The following TNS3 variants were observed in gnomAD, a reference collection of about 807,000 sequenced individuals.
TNS3 encodes the protein tensin-3.
A neutral mutation model predicts 140.9 loss-of-function variants in TNS3; 45 were observed. That is an observed-to-expected ratio of 0.32 (90% CI 0.25 to 0.41). The LOEUF (loss-of-function observed/expected upper bound fraction) is 0.41, where lower values mean the gene tolerates loss of function less well. TNS3 is among the 10% of genes least tolerant of loss of function. The pLI, the probability that TNS3 is intolerant of heterozygous loss-of-function variation, is 1.00. For synonymous variants in TNS3, 815 were observed against 788.4 expected, an observed-to-expected ratio of 1.03 and a Z score of -0.56; for missense variants, 1,716 against 1,906.7, an observed-to-expected ratio of 0.90 and a Z score of 1.86.
rs543783948 is a variant in TNS3, at chr7:47,421,265, G to A, written c.473+2836C>T. 5.9e-5 allele frequency among the ~76,000 whole-genome samples: 9 copies of A among 152,150 alleles called. No homozygotes were observed. In the East Asian group the frequency reaches 7.7e-4, roughly 13 times the overall value. On this transcript the variant is annotated intron_variant, in intron 10 of 30. Transcript: ENST00000311160. Reference sequence around the variant, plus strand: ...CTGATAATAAACCAAAACTATACCCGGATTTTTGGGGCGTTAGGAGGAGAC... The same window carrying A: ...CTGATAATAAACCAAAACTATACCCAGATTTTTGGGGCGTTAGGAGGAGAC...
In TNS3 at chr7:47,293,842, T is replaced by A. The variant is rs767263915; in HGVS notation, c.3677-14A>T. 1.4e-5 allele frequency: 23 copies of A among 1,613,842 alleles called. 1 individual carries two copies. Among genetic ancestry groups the A allele is most frequent in the Middle Eastern group, 3.3e-4 (2 of 6,084 alleles). On this transcript the variant is annotated splice_polypyrimidine_tract_variant and intron_variant, in intron 24 of 30. Coordinates refer to ENST00000311160, the MANE Select transcript of TNS3 (RefSeq NM_022748.12). Reference sequence around the variant, plus strand: ...CCAAATCTCCAGCTGTGGCAAGAAATTTAAAGAAAGAAGAATTTTTTGAAA... The same window carrying A: ...CCAAATCTCCAGCTGTGGCAAGAAAATTAAAGAAAGAAGAATTTTTTGAAA...
intron 4 of TNS3, among the ~76,000 whole-genome samples, chr7:47,449,106 T>TA (rs1365422592): frequency 6.6e-6 from 1 of 152,224 alleles, no homozygotes; most frequent in South Asian, 2.1e-4. Flanking sequence ...TACATCCAGT[T>TA]AAACTGTACA....
At chr7:47,346,414 C>A in intron 17 of TNS3, 58 bp from the exon 18 acceptor site, 1 of 1,594,282 alleles carries the variant, frequency 6.3e-7, no homozygotes, top group Non-Finnish European at 8.6e-7. Flanking sequence ...AGTGAGGCGC[C>A]CCTTCCTTAA....
intron 27 of TNS3, among the ~76,000 whole-genome samples, chr7:47,291,067 G>C (rs1221022651): frequency 2.6e-5 from 4 of 152,154 alleles, no homozygotes; most frequent in Non-Finnish European, 5.9e-5. Context: ...TAAGTGAAAG[G>C]AGCCAACCTC....
At chr7:47,578,559 T>TG (rs142627982) in intron 1 of TNS3, among the ~76,000 whole-genome samples, 133 of 107,882 alleles carry the variant, frequency 1.2e-3, no homozygotes, top group Non-Finnish European at 1.7e-3. Context: ...GGCAGGGGGT[T>TG]GGGGGGGGGC....
At chr7:47,458,165 T>C (rs1796334633) in intron 4 of TNS3, among the ~76,000 whole-genome samples, 1 of 152,258 alleles carries the variant, frequency 6.6e-6, no homozygotes, top group African/African-American at 2.4e-5. Context: ...GTCCTTGGTA[T>C]CTAACTGACC....
At chr7:47,302,087 G>T in intron 23 of TNS3, 99 bp downstream of exon 23, 3 of 965,478 alleles carry the variant, frequency 3.1e-6, no homozygotes, top group South Asian at 1.4e-5. Flanking sequence ...TGAAGGCCAC[G>T]GCTGCCCGAT....
chr7:47,389,109 C>CGGAAGAAGAAGAAGAAGAAGA (rs1554310453), intron 16 of TNS3, among the ~76,000 whole-genome samples: 2 of 59,078 alleles, frequency 3.4e-5, no homozygotes, highest in African/African-American at 1.4e-4. Flanking sequence ...GAAGCGGAAG[C>CGGAAGAAGAAGAAGAAGAAGA]AGAAGAAGAA....
At chr7:47,512,963 CACAA>C (rs745557064) in intron 2 of TNS3, among the ~76,000 whole-genome samples, 2 of 152,008 alleles carry the variant, frequency 1.3e-5, no homozygotes, top group African/African-American at 2.4e-5. Context: ...ACAAACAGGC[CACAA>C]ACAAACTTAG....
chr7:47,452,818 C>T, intron 4 of TNS3: 1 of 609,682 alleles, frequency 1.6e-6, no homozygotes, highest in Non-Finnish European at 2.1e-6. Flanking sequence ...TTGGAAATGC[C>T]CCTTCACTGC....
intron 15 of TNS3, among the ~76,000 whole-genome samples, chr7:47,399,112 C>G (rs1405429124): frequency 8.0e-6 from 1 of 124,440 alleles, no homozygotes; most frequent in East Asian, 2.4e-4. Flanking sequence ...TAGAAATATA[C>G]TTAATCAAAA....
intron 2 of TNS3, among the ~76,000 whole-genome samples, chr7:47,523,092 G>C (rs900769192): frequency 6.6e-6 from 1 of 152,148 alleles, no homozygotes; most frequent in Non-Finnish European, 1.5e-5. Flanking sequence ...GCAAGTCCAA[G>C]GTCAAGGCAC....
intron 3 of TNS3, among the ~76,000 whole-genome samples, chr7:47,501,824 G>A (rs1250642438): frequency 6.6e-6 from 1 of 152,200 alleles, no homozygotes; most frequent in Non-Finnish European, 1.5e-5. Flanking sequence ...GCCTTCATGG[G>A]GAAGAAGAGG....
chr7:47,300,009 A>G (rs1786297475), intron 23 of TNS3, among the ~76,000 whole-genome samples: 1 of 152,164 alleles, frequency 6.6e-6, no homozygotes, highest in South Asian at 2.1e-4. Flanking sequence ...ATTTTACTTT[A>G]AGGTCCTCTT....
intron 3 of TNS3, among the ~76,000 whole-genome samples, chr7:47,488,076 C>T (rs1272342804): frequency 2.6e-5 from 4 of 152,112 alleles, no homozygotes; most frequent in Admixed American, 1.3e-4. Flanking sequence ...GGAGCTTTTA[C>T]GAAGGGCCAC....
At chr7:47,360,517 C>T (rs1417994363) in intron 17 of TNS3, among the ~76,000 whole-genome samples, 1 of 152,232 alleles carries the variant, frequency 6.6e-6, no homozygotes, top group Non-Finnish European at 1.5e-5. Flanking sequence ...TCCTGGTTCT[C>T]TGATGTGAGT....
At chr7:47,452,468 G>T (rs1190107812) in intron 4 of TNS3, among the ~76,000 whole-genome samples, 1 of 152,212 alleles carries the variant, frequency 6.6e-6, no homozygotes, top group Non-Finnish European at 1.5e-5. Context: ...AAGTCATCTT[G>T]TCATTTTACC....
chr7:47,533,425 T>C (rs1465997221), intron 1 of TNS3, among the ~76,000 whole-genome samples: 6 of 127,396 alleles, frequency 4.7e-5, no homozygotes, highest in South Asian at 2.5e-4. Context: ...CCACCGCACC[T>C]GGCCTTTTTT....
chr7:47,325,481 G>A (rs961511307), intron 20 of TNS3, among the ~76,000 whole-genome samples: 5 of 152,114 alleles, frequency 3.3e-5, no homozygotes, highest in African/African-American at 1.2e-4. Context: ...GCTATCTCGT[G>A]GTGGAACGAG....
Sources: gnomAD v4.1 joint callset for allele counts (sites outside exome capture counted in the v4.1 genomes callset) on GRCh38, gnomAD v4.1.1 for gene constraint, MANE v1.5 for transcripts, NCBI Gene and HGNC (gene_info 2026-07-23, HGNC 2026-07-21) for gene names.